The following SEZ6L variants were observed in gnomAD, a reference collection of about 807,000 sequenced individuals.
SEZ6L encodes the protein seizure related 6 homolog like, also known as seizure 6-like protein.
In SEZ6L, 37 loss-of-function variants were observed where a neutral mutation model predicts 106.2. The ratio of observed to expected loss-of-function variants is 0.35; its 90% CI spans 0.27 to 0.46. The LOEUF (loss-of-function observed/expected upper bound fraction) is 0.46, where lower values mean the gene tolerates loss of function less well. SEZ6L is among the 20% of genes least tolerant of loss of function. The probability of loss-of-function intolerance (pLI) is 1.00; values close to 1 mark genes in which losing one functional copy is unlikely to be tolerated. For synonymous variants in SEZ6L, 541 were observed against 570.4 expected (o/e 0.95, Z 0.73); for missense variants, 1,172 against 1,332.8 (o/e 0.88, Z 1.88).
At chr22:26,292,156 G>A (rs2081144482) in intron 1 of SEZ6L, 1 of 426,166 alleles carries the variant, frequency 2.3e-6, no homozygotes, top group East Asian at 3.6e-5. Flanking sequence ...AAGGAAGGAA[G>A]GAAGGAAGGA....
At chr22:26,254,967 T>G (rs956892554) in intron 1 of SEZ6L, among the ~76,000 whole-genome samples, 31 of 152,284 alleles carry the variant, frequency 2.0e-4, no homozygotes, top group Middle Eastern at 3.4e-3. Flanking sequence ...CCTAGCTCAT[T>G]GTTGATGAGC....
intron 1 of SEZ6L, among the ~76,000 whole-genome samples, chr22:26,187,021 G>T (rs892083733): frequency 3.3e-5 from 5 of 152,184 alleles, no homozygotes; most frequent in African/African-American, 1.2e-4. Flanking sequence ...CCCAGCTTAA[G>T]ATAGGGTCAC....
intron 1 of SEZ6L, among the ~76,000 whole-genome samples, chr22:26,263,884 T>A (rs1456305229): frequency 6.6e-6 from 1 of 152,202 alleles, no homozygotes; most frequent in Non-Finnish European, 1.5e-5. Flanking sequence ...CACCTTTTAG[T>A]CCCCACAGCT....
At chr22:26,257,503 A>G (rs2079861946) in intron 1 of SEZ6L, among the ~76,000 whole-genome samples, 1 of 152,216 alleles carries the variant, frequency 6.6e-6, no homozygotes, top group Non-Finnish European at 1.5e-5. Flanking sequence ...TACTGTGCTG[A>G]TAAGAAGAAT....
intron 1 of SEZ6L, among the ~76,000 whole-genome samples, chr22:26,179,370 G>A (rs9608468): frequency 0.096 from 14,635 of 152,194 alleles, 717 homozygotes; most frequent in Admixed American, 0.12. Context: ...TAGCCTGAGT[G>A]ACAGAGCAAG....
At chr22:26,375,391 A>AC (rs1265101523) in intron 14 of SEZ6L, among the ~76,000 whole-genome samples, 184 bp from the exon 15 acceptor site, 1 of 151,920 alleles carries the variant, frequency 6.6e-6, no homozygotes, top group Non-Finnish European at 1.5e-5. Flanking sequence ...TGAGTCTGGG[A>AC]CCCCTTGCAA....
Position 26,310,845 on chromosome 22 carries a change from C to T in SEZ6L, c.1681+9C>T, listed in dbSNP as rs755623620. 5 of 1,612,622 alleles carry T rather than the reference C, an allele frequency of 3.1e-6. No homozygotes were observed. The highest frequency in any genetic ancestry group is 1.7e-5 in the Admixed American group (1 of 59,972). On this transcript the variant is annotated intron_variant, in intron 7 of 16. Coordinates refer to ENST00000248933, the MANE Select transcript of SEZ6L (RefSeq NM_021115.5). ...CAACATCCGATTTGAAGGTGAGGGT[C>T]CCTGGGAGCTTCCCTTTCTCTTGTG...
In SEZ6L at chr22:26,292,873, C is replaced by T. The variant is rs1199511043; in HGVS notation, c.562C>T (p.Arg188Ter). The change falls in exon 2 of 17, where the codon CGA (arginine) becomes TGA (stop). Residue 188 changes from arginine to a stop codon, truncating the protein, a stop_gained. Transcript: ENST00000248933. LOFTEE classifies it high-confidence loss of function. ...EASEVPLWLD[R>*]KESAVPTTPA... ...ATCAGAAGTGCCCCTTTGGCTGGAC[C>T]GAAAGGAGAGTGCGGTCCCTACAAC... 1.2e-6 allele frequency: 2 copies of T among 1,614,008 alleles called. No homozygotes were observed. Among genetic ancestry groups the T allele is most frequent in the African/African-American group, 1.3e-5 (1 of 74,930 alleles).
At chr22:26,294,990 T>C (rs1388446891) in intron 3 of SEZ6L, among the ~76,000 whole-genome samples, 1 of 151,990 alleles carries the variant, frequency 6.6e-6, no homozygotes. Flanking sequence ...CTTCATTTTC[T>C]GGTTATTAGG....
At chr22:26,212,001 A>G (rs1387938379) in intron 1 of SEZ6L, among the ~76,000 whole-genome samples, 1 of 152,016 alleles carries the variant, frequency 6.6e-6, no homozygotes, top group Admixed American at 6.6e-5. Context: ...GCTAGACCTG[A>G]TGGCTGGGAA....
chr22:26,373,403 A>C lies in SEZ6L; in HGVS notation c.2795-48A>C, dbSNP rs1468519727. The C allele has an allele frequency of 1.9e-6, 3 of 1,562,152 alleles. No individual in the cohort carries two copies. In the Admixed American group the frequency reaches 6.1e-5, roughly 32 times the overall value. On this transcript the variant is annotated intron_variant, in intron 13 of 16. Coordinates refer to ENST00000248933, the MANE Select transcript of SEZ6L (RefSeq NM_021115.5). Reference sequence around the variant, plus strand: ...TTTTTGGCCTCATTTCATGCAAACGAAGTGAATTCACTTTACATTGACCAA... The same window carrying C: ...TTTTTGGCCTCATTTCATGCAAACGCAGTGAATTCACTTTACATTGACCAA...
intron 9 of SEZ6L, among the ~76,000 whole-genome samples, chr22:26,335,887 C>G (rs73404633): frequency 0.011 from 1,635 of 152,286 alleles, 40 homozygotes; most frequent in African/African-American, 0.037. Context: ...CCTTGAAGCC[C>G]TCCTCACTAG....
At chr22:26,376,021 T>C (rs1357430690) in intron 15 of SEZ6L, among the ~76,000 whole-genome samples, 1 of 152,200 alleles carries the variant, frequency 6.6e-6, no homozygotes, top group Non-Finnish European at 1.5e-5. Flanking sequence ...TCAACAAATA[T>C]GTACTGACAA....
At chr22:26,294,002 T>C (rs2081219484) in intron 2 of SEZ6L, among the ~76,000 whole-genome samples, 1 of 152,214 alleles carries the variant, frequency 6.6e-6, no homozygotes, top group Admixed American at 6.5e-5. Context: ...TTTTGTTTAC[T>C]TCCCTCTAAA....
At chr22:26,248,717 TGTGA>T (rs1365492869) in intron 1 of SEZ6L, among the ~76,000 whole-genome samples, 1 of 152,242 alleles carries the variant, frequency 6.6e-6, no homozygotes, top group Non-Finnish European at 1.5e-5. Context: ...ATGGTTAAGT[TGTGA>T]GTGGCATTTT....
intron 7 of SEZ6L, among the ~76,000 whole-genome samples, chr22:26,311,541 A>G (rs533718112): frequency 6.6e-6 from 1 of 152,374 alleles, no homozygotes; most frequent in Non-Finnish European, 1.5e-5. Context: ...AGGGTGGAGA[A>G]GACAGAGATT....
chr22:26,184,819 G>C (rs183583402), intron 1 of SEZ6L, among the ~76,000 whole-genome samples: 1 of 152,184 alleles, frequency 6.6e-6, no homozygotes, highest in Non-Finnish European at 1.5e-5. Context: ...GGTGGCTCAC[G>C]CCTGTAATCC....
chr22:26,223,220 G>A (rs905419562), intron 1 of SEZ6L, among the ~76,000 whole-genome samples: 1 of 152,140 alleles, frequency 6.6e-6, no homozygotes, highest in Non-Finnish European at 1.5e-5. Context: ...GTGAGTAGAA[G>A]ACAGAAAATA....
chr22:26,354,776 T>A (rs777728677), intron 12 of SEZ6L, among the ~76,000 whole-genome samples: 1 of 152,206 alleles, frequency 6.6e-6, no homozygotes, highest in Non-Finnish European at 1.5e-5. Flanking sequence ...CCTCCCTCCC[T>A]CCCTTCGGGA....
Sources: allele counts gnomAD v4.1 joint callset (sites outside exome capture counted in the v4.1 genomes callset), GRCh38; gene constraint gnomAD v4.1.1; transcripts MANE v1.5; gene names NCBI Gene and HGNC (gene_info 2026-07-23, HGNC 2026-07-21).